Variants in ST6GALNAC3 observed in about 807,000 individuals in gnomAD.
ST6GALNAC3 encodes the protein ST6 N-acetylgalactosaminide alpha-2,6-sialyltransferase 3, also known as alpha-N-acetylgalactosaminide alpha-2,6-sialyltransferase 3.
Under a neutral mutation model 32.7 loss-of-function variants are expected in ST6GALNAC3, and 25 were observed. The ratio of observed to expected loss-of-function variants is 0.76; its 90% CI spans 0.56 to 1.07. The LOEUF (loss-of-function observed/expected upper bound fraction) is 1.07. Among genes scored for constraint, ST6GALNAC3 ranks in the 50% least tolerant of loss-of-function variants. The pLI is 0.00. For missense variants in ST6GALNAC3, 355 were observed against 382.4 expected (o/e 0.93, Z 0.60); for synonymous variants, 129 against 133.1 (o/e 0.97, Z 0.21).
At chr1:76,213,944 G>T (rs1482522161) in intron 1 of ST6GALNAC3, among the ~76,000 whole-genome samples, 1 of 152,162 alleles carries the variant, frequency 6.6e-6, no homozygotes, top group East Asian at 1.9e-4. Context: ...GTATATGACT[G>T]TATGAATGGG....
intron 1 of ST6GALNAC3, among the ~76,000 whole-genome samples, chr1:76,137,785 C>T (rs554701747): frequency 6.6e-5 from 10 of 152,112 alleles, no homozygotes; most frequent in African/African-American, 9.7e-5. Flanking sequence ...TACCCAAAGC[C>T]GAAACACTTG....
intron 3 of ST6GALNAC3, among the ~76,000 whole-genome samples, chr1:76,453,923 A>C (rs925251085): frequency 1.3e-5 from 2 of 152,098 alleles, no homozygotes; most frequent in African/African-American, 4.8e-5. Context: ...CTCATTTCTT[A>C]GGTCTAGAAG....
chr1:76,535,608 G>A (rs1379341946), intron 3 of ST6GALNAC3, among the ~76,000 whole-genome samples: 2 of 152,126 alleles, frequency 1.3e-5, no homozygotes, highest in African/African-American at 2.4e-5. Context: ...CTATAGAGCA[G>A]TCACTTAAAA....
intron 2 of ST6GALNAC3, among the ~76,000 whole-genome samples, chr1:76,355,455 C>A (rs1649360668): frequency 6.6e-6 from 1 of 152,088 alleles, no homozygotes; most frequent in Non-Finnish European, 1.5e-5. Context: ...AATCTGCTGG[C>A]TCATTTCCTT....
intron 3 of ST6GALNAC3, among the ~76,000 whole-genome samples, chr1:76,619,775 G>A (rs1005806224): frequency 1.3e-5 from 2 of 152,114 alleles, no homozygotes; most frequent in African/African-American, 4.8e-5. Context: ...CAGGTTAGGG[G>A]ATAGATCAGA....
chr1:76,112,220 C>A (rs76077467), intron 1 of ST6GALNAC3, among the ~76,000 whole-genome samples: 23,216 of 121,836 alleles, frequency 0.19, 3,388 homozygotes, highest in Admixed American at 0.28. Context: ...ACCTCCCGGA[C>A]GGGGCGGCTG....
intron 3 of ST6GALNAC3, among the ~76,000 whole-genome samples, chr1:76,491,390 A>G (rs1342984973): frequency 6.6e-6 from 1 of 152,124 alleles, no homozygotes; most frequent in East Asian, 1.9e-4. Flanking sequence ...AACTTTCAGC[A>G]GCACAGTTCT....
At chr1:76,111,754 G>C (rs1647960904) in intron 1 of ST6GALNAC3, among the ~76,000 whole-genome samples, 2 of 149,728 alleles carry the variant, frequency 1.3e-5, no homozygotes, top group African/African-American at 5.0e-5. Context: ...CAGGGTTGGG[G>C]GTAAGGTCAC....
intron 1 of ST6GALNAC3, among the ~76,000 whole-genome samples, chr1:76,209,909 G>T (rs1040201357): frequency 6.6e-6 from 1 of 152,060 alleles, no homozygotes; most frequent in Non-Finnish European, 1.5e-5. Context: ...AATCTGAATT[G>T]CTGCCCCTCA....
intron 3 of ST6GALNAC3, among the ~76,000 whole-genome samples, chr1:76,420,188 T>G (rs1283128605): frequency 6.6e-6 from 1 of 152,088 alleles, no homozygotes; most frequent in Non-Finnish European, 1.5e-5. Flanking sequence ...AATTTTCATT[T>G]TTAACAAGTT....
At chr1:76,434,083 G>A (rs1253800495) in intron 3 of ST6GALNAC3, among the ~76,000 whole-genome samples, 1 of 152,122 alleles carries the variant, frequency 6.6e-6, no homozygotes, top group Admixed American at 6.5e-5. Context: ...AGCAAACCAT[G>A]GCAGGTCACC....
intron 3 of ST6GALNAC3, among the ~76,000 whole-genome samples, chr1:76,625,729 G>A (rs992273846): frequency 6.6e-5 from 10 of 151,962 alleles, no homozygotes; most frequent in East Asian, 3.9e-4. Context: ...AAAGTTGTTC[G>A]TTACTGTAGC....
At chr1:76,115,479 G>T (rs1471635354) in intron 1 of ST6GALNAC3, among the ~76,000 whole-genome samples, 1 of 152,236 alleles carries the variant, frequency 6.6e-6, no homozygotes, top group African/African-American at 2.4e-5. Flanking sequence ...TTTAACAGGA[G>T]CTGTGGGTCT....
At chr1:76,079,585 A>G (rs1646863024) in intron 1 of ST6GALNAC3, among the ~76,000 whole-genome samples, 1 of 152,218 alleles carries the variant, frequency 6.6e-6, no homozygotes, top group Non-Finnish European at 1.5e-5. Context: ...TGAAGCAGTT[A>G]GCTGATACGA....
At chr1:76,095,160 C>T (rs552067085) in intron 1 of ST6GALNAC3, among the ~76,000 whole-genome samples, 1 of 152,152 alleles carries the variant, frequency 6.6e-6, no homozygotes, top group South Asian at 2.1e-4. Context: ...AGGCAGCAAA[C>T]CTCTTTGGAC....
At chr1:76,084,590 G>A (rs998029051) in intron 1 of ST6GALNAC3, among the ~76,000 whole-genome samples, 12 of 152,172 alleles carry the variant, frequency 7.9e-5, no homozygotes, top group African/African-American at 2.9e-4. Flanking sequence ...TAAGTCCAGA[G>A]AGCAAGGTGA....
chr1:76,115,012 A>G (rs1648363305), intron 1 of ST6GALNAC3, among the ~76,000 whole-genome samples: 2 of 152,154 alleles, frequency 1.3e-5, no homozygotes, highest in Admixed American at 6.5e-5. Context: ...AAGAGAGTCC[A>G]AAGTGTGAGT....
At chr1:76,479,784 A>T (rs1429735052) in intron 3 of ST6GALNAC3, among the ~76,000 whole-genome samples, 2 of 152,208 alleles carry the variant, frequency 1.3e-5, no homozygotes, top group Non-Finnish European at 2.9e-5. Flanking sequence ...TTCAAATCAT[A>T]GCAACTCCTT....
At chr1:76,147,069 T>TTC (rs1650732935) in intron 1 of ST6GALNAC3, among the ~76,000 whole-genome samples, 1 of 151,322 alleles carries the variant, frequency 6.6e-6, no homozygotes, top group South Asian at 2.1e-4. Context: ...CACTTCTTTT[T>TTC]TTTTTTTTTT....
Sources: gnomAD v4.1 joint callset for allele counts (sites outside exome capture counted in the v4.1 genomes callset) on GRCh38, gnomAD v4.1.1 for gene constraint, MANE v1.5 for transcripts, NCBI Gene and HGNC (gene_info 2026-07-23, HGNC 2026-07-21) for gene names.